Variants in WDR59 observed in about 807,000 individuals in gnomAD.
The protein encoded by WDR59 is GATOR2 complex protein WDR59.
In WDR59, 100 loss-of-function variants were observed where a neutral mutation model predicts 131.2. That is an observed-to-expected ratio of 0.76 (90% CI 0.65 to 0.90). The LOEUF (loss-of-function observed/expected upper bound fraction) is 0.90, where lower values mean the gene tolerates loss of function less well. WDR59 is among the 40% of genes least tolerant of loss of function. WDR59 has a pLI of 0.00. For missense variants in WDR59, 1,203 were observed against 1,262.2 expected, an observed-to-expected ratio of 0.95 and a Z score of 0.71; for synonymous variants, 601 against 466.2, an observed-to-expected ratio of 1.29 and a Z score of -3.72.
intron 17 of WDR59, among the ~76,000 whole-genome samples, chr16:74,905,946 G>C (rs191300968): frequency 1.3e-5 from 2 of 152,020 alleles, no homozygotes; most frequent in Non-Finnish European, 2.9e-5. Flanking sequence ...CACAAAAAAA[G>C]ATACCCAAAT....
chr16:74,940,723 T>C (rs2032150386), intron 7 of WDR59, among the ~76,000 whole-genome samples: 1 of 152,084 alleles, frequency 6.6e-6, no homozygotes, highest in Non-Finnish European at 1.5e-5. Flanking sequence ...ATTTAATTTT[T>C]GAGACGGAGT....
rs568875268 is a variant in WDR59 at position 74,984,840 on chromosome 16, C to T, written c.54+124G>A. ...GGGGCCTAAGAGGTCGGCTAAGCCC[C>T]GCCCACCTCCTCAGTACGGGGCCTA... On this transcript the variant is annotated intron_variant, in intron 1 of 25. Coordinates refer to ENST00000262144, the MANE Select transcript of WDR59 (RefSeq NM_030581.4). The T allele has an allele frequency of 3.0e-5, 42 of 1,412,700 alleles. No homozygotes were observed. The African/African-American group carries it at 5.1e-4, about 17-fold the overall frequency. The allele number at this position is 1,412,700 out of a possible 1,614,324, so 87.5% of individuals were successfully genotyped here. A position where few individuals can be genotyped will look rare whatever the true frequency, so the allele number is the denominator to read the frequency against.
chr16:74,924,060 GA>G (rs2030534875), intron 8 of WDR59, 57 bp from the exon 9 acceptor site: 2 of 1,539,002 alleles, frequency 1.3e-6, no homozygotes, highest in Non-Finnish European at 1.8e-6. Context: ...AAATTCTACT[GA>G]AATAAGCACA....
At chr16:74,932,766 G>A (rs1371901591) in intron 8 of WDR59, among the ~76,000 whole-genome samples, 1 of 152,188 alleles carries the variant, frequency 6.6e-6, no homozygotes, top group African/African-American at 2.4e-5. Context: ...TGGGATTACA[G>A]GGGTGAGCCA....
chr16:74,933,982 A>G (rs2031602319), intron 8 of WDR59, among the ~76,000 whole-genome samples: 1 of 152,252 alleles, frequency 6.6e-6, no homozygotes, highest in East Asian at 1.9e-4. Context: ...TTCAGCTTAA[A>G]CTACTTTTGG....
At chr16:74,884,614 C>A (rs1373101121) in intron 25 of WDR59, among the ~76,000 whole-genome samples, 1 of 152,250 alleles carries the variant, frequency 6.6e-6, no homozygotes, top group Non-Finnish European at 1.5e-5. Context: ...TCCCAAAGTG[C>A]TGGGATTACA....
At chr16:74,933,853 G>T (rs1245902967) in intron 8 of WDR59, among the ~76,000 whole-genome samples, 1 of 152,124 alleles carries the variant, frequency 6.6e-6, no homozygotes, top group Admixed American at 6.6e-5. Flanking sequence ...CCAAAGTGTT[G>T]GGATTACAGG....
At chr16:74,981,306 G>A (rs2034394631) in intron 1 of WDR59, among the ~76,000 whole-genome samples, 1 of 151,008 alleles carries the variant, frequency 6.6e-6, no homozygotes, top group East Asian at 2.0e-4. Flanking sequence ...AACCTGGGAG[G>A]CAGAGTTTGC....
At chr16:74,982,865 C>T (rs573212080) in intron 1 of WDR59, among the ~76,000 whole-genome samples, 1 of 152,152 alleles carries the variant, frequency 6.6e-6, no homozygotes, top group Non-Finnish European at 1.5e-5. Flanking sequence ...CGGCAAAAGA[C>T]AGGATGGGGT....
chr16:74,955,639 C>T (rs182418694), intron 3 of WDR59, among the ~76,000 whole-genome samples: 2 of 152,220 alleles, frequency 1.3e-5, no homozygotes, highest in Non-Finnish European at 2.9e-5. Flanking sequence ...GCTTTCTGTT[C>T]CTTCTCAAGC....
chr16:74,914,568 G>C (rs1233620082), intron 13 of WDR59, among the ~76,000 whole-genome samples: 1 of 150,230 alleles, frequency 6.7e-6, no homozygotes, highest in Non-Finnish European at 1.5e-5. Flanking sequence ...GCTGTAAAGT[G>C]AGGCTAAAAC....
At chr16:74,919,545 G>A (rs1208784606) in intron 10 of WDR59, among the ~76,000 whole-genome samples, 1 of 150,880 alleles carries the variant, frequency 6.6e-6, no homozygotes, top group African/African-American at 2.4e-5. Context: ...GTTTCATCAT[G>A]TTGGCCAGGC....
intron 21 of WDR59, among the ~76,000 whole-genome samples, chr16:74,888,928 T>C (rs1964906138): frequency 6.6e-6 from 1 of 152,248 alleles, no homozygotes; most frequent in African/African-American, 2.4e-5. Context: ...TCAGAGGGGC[T>C]TTGCCTTTAA....
intron 1 of WDR59, among the ~76,000 whole-genome samples, chr16:74,968,981 G>A (rs1176412099): frequency 1.3e-5 from 2 of 152,172 alleles, no homozygotes; most frequent in Non-Finnish European, 1.5e-5. Context: ...ACCAGAGAAA[G>A]TCAGTGCTTT....
chr16:74,950,772 G>A (rs1385570081), intron 4 of WDR59, among the ~76,000 whole-genome samples: 1 of 152,048 alleles, frequency 6.6e-6, no homozygotes, highest in African/African-American at 2.4e-5. Flanking sequence ...GAAAGCCAAG[G>A]GCCACTCCCT....
intron 1 of WDR59, among the ~76,000 whole-genome samples, chr16:74,976,912 C>T (rs1044525103): frequency 1.3e-5 from 2 of 152,046 alleles, no homozygotes; most frequent in African/African-American, 4.8e-5. Context: ...GAGGCCAAGG[C>T]AGGAGGATCA....
chr16:74,919,057 G>T (rs2029889635), intron 10 of WDR59, among the ~76,000 whole-genome samples: 1 of 152,068 alleles, frequency 6.6e-6, no homozygotes, highest in Non-Finnish European at 1.5e-5. Flanking sequence ...TGACGAAAAG[G>T]TATGCCTAAT....
chr16:74,884,832 A>G (rs1323802716), intron 25 of WDR59, among the ~76,000 whole-genome samples: 3 of 151,986 alleles, frequency 2.0e-5, no homozygotes, highest in Non-Finnish European at 2.9e-5. Flanking sequence ...TGCTCTTTTC[A>G]CCACTCTGCA....
rs572188082 is a variant in WDR59 at position 74,980,440 on chromosome 16, G to C, written c.54+4524C>G. 3.6e-5 allele frequency among the ~76,000 whole-genome samples: 5 copies of C among 137,638 alleles called. No homozygotes were observed. The South Asian group carries it at 1.2e-3, about 33-fold the overall frequency. 90.3% of individuals were successfully genotyped at this position (137,638 alleles called of 152,430 possible). A position where few individuals can be genotyped will look rare whatever the true frequency, so the allele number is the denominator to read the frequency against. On this transcript the variant is annotated intron_variant, in intron 1 of 25. Coordinates refer to ENST00000262144, the MANE Select transcript of WDR59 (RefSeq NM_030581.4). ...TGCGATTTGGCTCGCTGCAACCTCC[G>C]CCTCCCAGGTTCAAGTGACTCTCCT...
Sources: gnomAD v4.1 joint callset for allele counts (sites outside exome capture counted in the v4.1 genomes callset) on GRCh38, gnomAD v4.1.1 for gene constraint, MANE v1.5 for transcripts, NCBI Gene and HGNC (gene_info 2026-07-23, HGNC 2026-07-21) for gene names.